The following LRRC4C variants were observed in gnomAD, a reference collection of about 807,000 sequenced individuals.
LRRC4C encodes the protein leucine-rich repeat-containing protein 4C.
A neutral mutation model predicts 33.6 loss-of-function variants in LRRC4C; 5 were observed. The observed-to-expected ratio is 0.15, with a 90% confidence interval of 0.08 to 0.31. The LOEUF (loss-of-function observed/expected upper bound fraction) is 0.31. Among genes scored for constraint, LRRC4C ranks in the 10% least tolerant of loss-of-function variants. The pLI is 1.00. For synonymous variants in LRRC4C, 329 were observed against 302.0 expected (o/e 1.09, Z -0.93); for missense variants, 560 against 796.7 (o/e 0.70, Z 3.58).
chr11:40,569,814 T>C (rs1262985955), intron 3 of LRRC4C, among the ~76,000 whole-genome samples: 1 of 152,082 alleles, frequency 6.6e-6, no homozygotes, highest in African/African-American at 2.4e-5. Flanking sequence ...AAAAATAAAA[T>C]ATTCATAATA....
chr11:40,428,154 A>T (rs557177171), intron 3 of LRRC4C, among the ~76,000 whole-genome samples: 9 of 151,328 alleles, frequency 5.9e-5, no homozygotes, highest in Admixed American at 5.2e-4. Context: ...TAAATTCTTT[A>T]AATTTTTTTT....
intron 1 of LRRC4C, among the ~76,000 whole-genome samples, chr11:41,172,912 C>A (rs1201669025): frequency 6.6e-6 from 1 of 151,954 alleles, no homozygotes; most frequent in Non-Finnish European, 1.5e-5. Flanking sequence ...ATTGTTTATT[C>A]CAACTTCTCT....
chr11:40,274,801 C>G (rs1431501557), intron 4 of LRRC4C, among the ~76,000 whole-genome samples: 1 of 152,098 alleles, frequency 6.6e-6, no homozygotes, highest in Non-Finnish European at 1.5e-5. Flanking sequence ...CCAGAGCACA[C>G]AGCAGCATCC....
At position 40,114,251 on chromosome 11, in the gene LRRC4C, T is replaced by A. The variant is rs1415983587; in HGVS notation, c.*119A>T. 1.6e-5 allele frequency: 18 copies of A among 1,123,672 alleles called. No homozygotes were observed. Among genetic ancestry groups the A allele is most frequent in the Non-Finnish European group, 1.8e-5 (15 of 824,638 alleles). 69.6% of individuals were successfully genotyped at this position (1,123,672 alleles called of 1,614,324 possible). On this transcript the variant is annotated 3_prime_UTR_variant, in exon 7 of 7. Coordinates refer to ENST00000528697, the MANE Select transcript of LRRC4C (RefSeq NM_001258419.2). ...TTTTTAATAAATAAATTTCTTTTCTTTTTTGTTTTTTTGTAAAGACACTTT... is the reference window on the plus strand; with the variant it reads ...TTTTTAATAAATAAATTTCTTTTCTATTTTGTTTTTTTGTAAAGACACTTT...
chr11:40,794,083 A>G (rs1950729042), intron 2 of LRRC4C, among the ~76,000 whole-genome samples: 1 of 152,064 alleles, frequency 6.6e-6, no homozygotes, highest in African/African-American at 2.4e-5. Context: ...TTAAAAATAA[A>G]CTTCCTGTTT....
chr11:40,602,047 T>C (rs1171080728), intron 3 of LRRC4C, among the ~76,000 whole-genome samples: 1 of 151,748 alleles, frequency 6.6e-6, no homozygotes, highest in Non-Finnish European at 1.5e-5. Context: ...AAAAAAAATT[T>C]AGCTGGGTGT....
intron 2 of LRRC4C, among the ~76,000 whole-genome samples, chr11:40,812,931 G>A (rs1245030811): frequency 6.6e-6 from 1 of 152,128 alleles, no homozygotes; most frequent in Non-Finnish European, 1.5e-5. Context: ...TCTAGAAAAA[G>A]GGAGAGAAAG....
chr11:40,927,567 G>C (rs1957453378), intron 2 of LRRC4C, among the ~76,000 whole-genome samples: 1 of 152,084 alleles, frequency 6.6e-6, no homozygotes, highest in Non-Finnish European at 1.5e-5. Context: ...GGAAAAACAA[G>C]TGTGCAAATT....
At chr11:40,338,179 G>C (rs1946713030) in intron 3 of LRRC4C, among the ~76,000 whole-genome samples, 1 of 152,098 alleles carries the variant, frequency 6.6e-6, no homozygotes, top group African/African-American at 2.4e-5. Context: ...GTGGCTGTTT[G>C]GAAACGGCTT....
chr11:40,553,452 T>C (rs946697410), intron 3 of LRRC4C, among the ~76,000 whole-genome samples: 5 of 152,232 alleles, frequency 3.3e-5, no homozygotes, highest in South Asian at 4.1e-4. Context: ...TAATTTTTTT[T>C]TGAAACTCTG....
At chr11:41,240,031 T>A (rs1475608762) in intron 1 of LRRC4C, among the ~76,000 whole-genome samples, 1 of 152,130 alleles carries the variant, frequency 6.6e-6, no homozygotes, top group African/African-American at 2.4e-5. Context: ...TGAGCACTCT[T>A]TTAAGTTAAT....
chr11:41,066,066 A>G (rs1438761377), intron 1 of LRRC4C, among the ~76,000 whole-genome samples: 1 of 152,216 alleles, frequency 6.6e-6, no homozygotes, highest in Non-Finnish European at 1.5e-5. Context: ...GGAGAATAAG[A>G]TGGACAAATT....
At chr11:40,739,274 T>C (rs1948043738) in intron 2 of LRRC4C, among the ~76,000 whole-genome samples, 1 of 151,940 alleles carries the variant, frequency 6.6e-6, no homozygotes, top group African/African-American at 2.4e-5. Flanking sequence ...TAGCTCAACT[T>C]TTTTAGATTG....
chr11:40,529,212 A>T (rs1285245438), intron 3 of LRRC4C, among the ~76,000 whole-genome samples: 3 of 152,048 alleles, frequency 2.0e-5, no homozygotes, highest in African/African-American at 7.3e-5. Flanking sequence ...TTTGGAGCTG[A>T]TGTATATTTC....
intron 1 of LRRC4C, among the ~76,000 whole-genome samples, chr11:41,169,260 T>G (rs1944864917): frequency 6.6e-6 from 1 of 152,182 alleles, no homozygotes; most frequent in African/African-American, 2.4e-5. Context: ...GATAAGCAAT[T>G]AAAAAGAAAG....
chr11:40,668,559 T>C (rs1943932220), intron 2 of LRRC4C, among the ~76,000 whole-genome samples: 1 of 152,322 alleles, frequency 6.6e-6, no homozygotes, highest in African/African-American at 2.4e-5. Context: ...CCATCCTGAC[T>C]CTTGCTGGAC....
intron 4 of LRRC4C, among the ~76,000 whole-genome samples, chr11:40,318,991 G>C (rs1448801932): frequency 6.6e-6 from 1 of 152,112 alleles, no homozygotes; most frequent in African/African-American, 2.4e-5. Flanking sequence ...TTACCCAGGA[G>C]AAATTATCTT....
chr11:40,711,835 A>C, intron 2 of LRRC4C, among the ~76,000 whole-genome samples: 1 of 152,228 alleles, frequency 6.6e-6, no homozygotes, highest in Non-Finnish European at 1.5e-5. Flanking sequence ...TAAGTTGGAA[A>C]CATAAATGCA....
At position 40,390,479 on chromosome 11, in the gene LRRC4C, T is replaced by C. The variant is rs1949292258; in HGVS notation, c.-269-70758A>G. On this transcript the variant is annotated intron_variant, in intron 3 of 6. Coordinates refer to ENST00000528697, the MANE Select transcript of LRRC4C (RefSeq NM_001258419.2). ...GTTGCTTCTCACAACCTAAAATCTA[T>C]CTAAGCTACCTGATGAAAATTCATG... Among the ~76,000 whole-genome samples the C allele has an allele frequency of 2.0e-5, 3 of 152,198 alleles. No individual in the cohort carries two copies. In the South Asian group the frequency reaches 6.2e-4, roughly 31 times the overall value.
Sources: gnomAD v4.1 joint callset for allele counts (sites outside exome capture counted in the v4.1 genomes callset) on GRCh38, gnomAD v4.1.1 for gene constraint, MANE v1.5 for transcripts, NCBI Gene and HGNC (gene_info 2026-07-23, HGNC 2026-07-21) for gene names.